The following OTOA variants were observed in gnomAD, a reference collection of about 807,000 sequenced individuals.
The protein encoded by OTOA is otoancorin, also known as cancer/testis antigen 108.
OTOA carries 70 observed loss-of-function variants against 110.8 expected under a neutral mutation model. The ratio of observed to expected loss-of-function variants is 0.63; its 90% CI spans 0.52 to 0.77. OTOA has a LOEUF of 0.77. Ranked by LOEUF, OTOA falls within the 30% of genes least tolerant of loss-of-function variation. The pLI is 0.00. For synonymous variants in OTOA, 373 were observed against 431.5 expected (o/e 0.86, Z 1.68); for missense variants, 917 against 1,075.8 (o/e 0.85, Z 2.06).
intron 20 of OTOA, chr16:21,729,853 A>G (rs1291232792): frequency 1.3e-5 from 2 of 152,164 alleles, no homozygotes; most frequent in African/African-American, 2.4e-5. Flanking sequence ...GTGCTGAATC[A>G]TATTTCATTG....
intron 15 of OTOA, among the ~76,000 whole-genome samples, chr16:21,718,119 G>T (rs962483456): frequency 1.3e-5 from 2 of 151,954 alleles, no homozygotes; most frequent in African/African-American, 4.8e-5. Context: ...CATCATGCCC[G>T]GCTAATTTTT....
chr16:21,717,657 C>A lies in OTOA; in HGVS notation c.1629+610C>A, dbSNP rs570068009. On this transcript the variant is annotated intron_variant, in intron 15 of 28. Coordinates refer to ENST00000646100, the MANE Select transcript of OTOA (RefSeq NM_144672.4). ...TATTAAATGCTGTGAGCATTGAGGC[C>A]GCTTGGGGGGATGGTGCTGTTGAAG... is the stretch of plus-strand genomic sequence containing the variant. Among the ~76,000 whole-genome samples, 7 of 152,206 alleles carry A rather than the reference C, an allele frequency of 4.6e-5. No individual in the cohort carries two copies. The South Asian group carries it at 1.5e-3, about 32-fold the overall frequency.
chr16:21,683,695 G>A (rs1966939076), intron 6 of OTOA, among the ~76,000 whole-genome samples: 1 of 151,756 alleles, frequency 6.6e-6, no homozygotes, highest in African/African-American at 2.4e-5. Context: ...AACAGAGCAA[G>A]ACCCCGTCTC....
intron 13 of OTOA, among the ~76,000 whole-genome samples, chr16:21,712,070 G>A (rs1898374546): frequency 6.6e-6 from 1 of 151,874 alleles, no homozygotes; most frequent in Non-Finnish European, 1.5e-5. Context: ...GCTTATGCCT[G>A]TAATCCCAGC....
chr16:21,756,821 G>GC (rs1900000501), intron 27 of OTOA, among the ~76,000 whole-genome samples: 2 of 149,434 alleles, frequency 1.3e-5, no homozygotes, highest in South Asian at 4.3e-4. Flanking sequence ...TTTTTATTTT[G>GC]CGGCTCCTAT....
At chr16:21,674,884 T>A (rs1458159052) in intron 1 of OTOA, among the ~76,000 whole-genome samples, 2 of 148,604 alleles carry the variant, frequency 1.3e-5, no homozygotes, top group Non-Finnish European at 3.0e-5. Flanking sequence ...TTGCTGGATT[T>A]TTTTTAAAAA....
At chr16:21,730,776 A>G in intron 20 of OTOA, 61 bp from the exon 21 acceptor site, 2 of 935,558 alleles carry the variant, frequency 2.1e-6, no homozygotes, top group Non-Finnish European at 3.5e-6. Context: ...GCTGGGGGAA[A>G]AGGCAACAGA....
rs1222714969 is a variant in OTOA at position 21,730,786 on chromosome 16, A to T, written c.2208-51A>T. On this transcript the variant is annotated intron_variant, in intron 20 of 28. Coordinates refer to ENST00000646100, the MANE Select transcript of OTOA (RefSeq NM_144672.4). ...AGGGTGCTGGGGGAAAAGGCAACAG[A>T]TGTCCACCACAGCATGTTTTTTCAC... 7 of 939,306 alleles carry T rather than the reference A, an allele frequency of 7.5e-6. No homozygotes were observed. In the Admixed American group the frequency reaches 8.9e-5, roughly 12 times the overall value. 58.2% of individuals were successfully genotyped at this position (939,306 alleles called of 1,614,324 possible).
chr16:21,667,482 G>A (rs1032456221), intron 1 of OTOA, among the ~76,000 whole-genome samples: 2 of 151,926 alleles, frequency 1.3e-5, no homozygotes, highest in Admixed American at 1.3e-4. Flanking sequence ...GCGAAACCCT[G>A]TCTCTACTAA....
intron 16 of OTOA, 23 bp downstream of exon 16, chr16:21,719,214 G>A (rs372861898): frequency 1.2e-6 from 2 of 1,613,968 alleles, no homozygotes; most frequent in Non-Finnish European, 1.7e-6. Context: ...AACTCGGCCT[G>A]GGTGCTGAAC....
intron 1 of OTOA, among the ~76,000 whole-genome samples, chr16:21,669,824 C>T (rs1966846719): frequency 1.3e-5 from 2 of 152,052 alleles, no homozygotes; most frequent in Admixed American, 1.3e-4. Flanking sequence ...TGTGCTTGAT[C>T]CAGTTAAAAT....
At chr16:21,683,305 C>T (rs764373372) in intron 6 of OTOA, among the ~76,000 whole-genome samples, 3 of 152,166 alleles carry the variant, frequency 2.0e-5, no homozygotes, top group Non-Finnish European at 4.4e-5. Context: ...ACTGAATCCT[C>T]GTAATAACTC....
Position 21,687,402 on chromosome 16 carries a change from C to A in OTOA, c.400-11C>A. The stretch of plus-strand genomic sequence containing the variant: ...CTCTCAAACTGACCCTGGCTTCTGT[C>A]ATTGCTTTAGGACCTGAAAGACATC... On this transcript the variant is annotated splice_polypyrimidine_tract_variant and intron_variant, in intron 7 of 28. Coordinates refer to ENST00000646100, the MANE Select transcript of OTOA (RefSeq NM_144672.4). 2 of 1,612,862 alleles carry A rather than the reference C, an allele frequency of 1.2e-6. No homozygotes were observed. Among genetic ancestry groups the A allele is most frequent in the South Asian group, 2.2e-5 (2 of 91,014 alleles).
chr16:21,695,863 T>TGA (rs1309969784), intron 9 of OTOA, among the ~76,000 whole-genome samples: 10 of 106,852 alleles, frequency 9.4e-5, no homozygotes, highest in East Asian at 2.8e-4. Context: ...ATCCTAGACT[T>TGA]GAGATATATA....
At chr16:21,694,921 TACCTTC>T (rs1897901091) in intron 9 of OTOA, among the ~76,000 whole-genome samples, 1 of 152,190 alleles carries the variant, frequency 6.6e-6, no homozygotes, top group African/African-American at 2.4e-5. Context: ...AAAGCCTCTC[TACCTTC>T]AGACTTCTCT....
At chr16:21,703,258 C>T (rs1475470762) in intron 11 of OTOA, among the ~76,000 whole-genome samples, 1 of 152,116 alleles carries the variant, frequency 6.6e-6, no homozygotes, top group African/African-American at 2.4e-5. Context: ...CAAGTCTCTC[C>T]AACTCCCTTC....
chr16:21,670,246 A>G (rs1378923299), intron 1 of OTOA, among the ~76,000 whole-genome samples: 3 of 151,672 alleles, frequency 2.0e-5, no homozygotes, highest in African/African-American at 4.8e-5. Context: ...GAAAGACCCT[A>G]CTCACTCTGG....
intron 8 of OTOA, among the ~76,000 whole-genome samples, chr16:21,689,508 A>C (rs2141663121): frequency 6.6e-6 from 1 of 152,146 alleles, no homozygotes; most frequent in South Asian, 2.1e-4. Context: ...TGGCAGAAAA[A>C]CCCATTCAAA....
intron 8 of OTOA, among the ~76,000 whole-genome samples, chr16:21,691,288 G>A: frequency 6.6e-6 from 1 of 152,012 alleles, no homozygotes; most frequent in South Asian, 2.1e-4. Context: ...GTGTGCATGT[G>A]TCTTTATAGT....
Sources: allele counts gnomAD v4.1 joint callset (sites outside exome capture counted in the v4.1 genomes callset), GRCh38; gene constraint gnomAD v4.1.1; transcripts MANE v1.5; gene names NCBI Gene and HGNC (gene_info 2026-07-23, HGNC 2026-07-21).